CDC42BPG: variants seen among roughly 807,000 people sequenced by gnomAD.
CDC42BPG encodes CDC42 binding protein kinase gamma.
A neutral mutation model predicts 192.2 loss-of-function variants in CDC42BPG; 157 were observed. The observed-to-expected ratio is 0.82, with a 90% CI of 0.72 to 0.93. The LOEUF is 0.93. Ranked by LOEUF, CDC42BPG falls within the 40% of genes least tolerant of loss-of-function variation. The pLI, the probability that CDC42BPG is intolerant of heterozygous loss-of-function variation, is 0.00. For synonymous variants in CDC42BPG, 981 were observed against 918.5 expected, an observed-to-expected ratio of 1.07 and a Z score of -1.23; for missense variants, 1,992 against 2,122.1, an observed-to-expected ratio of 0.94 and a Z score of 1.20.
chr11:64,840,673 G>A (rs767742148), intron 3 of CDC42BPG, 25 bp from the exon 4 acceptor site: 2 of 1,608,000 alleles, frequency 1.2e-6, no homozygotes, highest in Non-Finnish European at 1.7e-6. Flanking sequence ...GGGAAGTAAG[G>A]GGTGGGGTGG....
At position 64,834,912 on chromosome 11, in the gene CDC42BPG, C is replaced by G. The variant is rs1312429045; in HGVS notation, c.2112G>C (p.Lys704Asn). The G allele has an allele frequency of 6.2e-7, 1 of 1,614,032 alleles. No individual in the cohort carries two copies. Among genetic ancestry groups the G allele is most frequent in the Non-Finnish European group, 8.5e-7 (1 of 1,180,036 alleles). The change falls in exon 18 of 37, where the codon AAG becomes AAC. Residue 704 changes from lysine to asparagine, a missense_variant. Physicochemically the swap from Lys to Asn is moderately conservative, Grantham distance 94 (BLOSUM62 0). Around this residue, in one of 2 missense-constraint regions of CDC42BPG, gnomAD observed 1,656 missense variants for 1,844.3 expected, o/e 0.90. Transcript: ENST00000342711. ...SRGYLQALAT[K>N]MAEELESLRN... ...TCAAGGACTCCAGCTCCTCTGCCATCTTGGTGGCCAGGGCCTGCAGGTAGC... is the reference window on the plus strand; with the variant it reads ...TCAAGGACTCCAGCTCCTCTGCCATGTTGGTGGCCAGGGCCTGCAGGTAGC...
In CDC42BPG at chr11:64,829,698, G is replaced by A. The variant is rs1250646119; in HGVS notation, c.3740C>T (p.Ala1247Val). ...RLCVGAAGGF[A>V]LYPLLNEAAP... ...AGCCTCGTTGAGCAGCGGGTAGAGT[G>A]CAAAGCCACCGGCGGCGCCCACACA... The change falls in exon 30 of 37, where the codon GCA becomes GTA. Residue 1247 changes from alanine to valine, a missense_variant. This residue lies in a region of CDC42BPG where 1,656 missense variants were observed against 1,844.3 expected (regional missense o/e 0.90). Transcript: ENST00000342711. The A allele has an allele frequency of 1.2e-6, 2 of 1,611,102 alleles. No individual in the cohort carries two copies. The highest frequency in any genetic ancestry group is 2.7e-5 in the African/African-American group (2 of 74,918).
In CDC42BPG at chr11:64,826,675, G is replaced by A. The variant is rs1303979443; in HGVS notation, c.4509C>T (p.Asp1503=). The change falls in exon 35 of 37, where the codon GAC becomes GAT. Residue 1503 remains aspartate (D), a synonymous_variant. Transcript: ENST00000342711. ...AGGCTGAGGGGCTGCCCTTACTGGG[G>A]TCTGCGTCTCCACCGAGGCCTTCGC... ...MGSEGLGGDA[D]PMKRKPWTSL... The A allele has an allele frequency of 1.9e-6, 3 of 1,569,446 alleles. No individual in the cohort carries two copies. Among genetic ancestry groups the A allele is most frequent in the African/African-American group, 1.3e-5 (1 of 74,260 alleles).
chr11:64,836,323 A>G, intron 12 of CDC42BPG, 27 bp from the exon 13 acceptor site: 1 of 1,608,730 alleles, frequency 6.2e-7, no homozygotes, highest in East Asian at 2.2e-5. Context: ...GGGAGCGGGG[A>G]AGGACAAGGC....
rs647145 is a variant in CDC42BPG at position 64,826,921 on chromosome 11, T to C, written c.4390-127A>G. Reference sequence around the variant, plus strand: ...AGCCTGGTTTTACTTAAGTCCCAGGTAGCAGAAGTGTGAGTCCCAGGCCTT... The same window carrying C: ...AGCCTGGTTTTACTTAAGTCCCAGGCAGCAGAAGTGTGAGTCCCAGGCCTT... On this transcript the variant is annotated intron_variant, in intron 34 of 36. Transcript: ENST00000342711. 5 of 1,208,172 alleles carry C rather than the reference T, an allele frequency of 4.1e-6. No individual in the cohort carries two copies. The South Asian group carries it at 7.3e-5, about 18-fold the overall frequency. 74.8% of individuals were successfully genotyped at this position (1,208,172 alleles called of 1,614,324 possible).
intron 30 of CDC42BPG, 88 bp downstream of exon 30, chr11:64,829,383 G>C: frequency 6.6e-7 from 1 of 1,519,810 alleles, no homozygotes; most frequent in Non-Finnish European, 8.8e-7. Context: ...GGCCTCCAAT[G>C]CCAGGCTCAT....
Position 64,829,955 on chromosome 11 carries a change from C to A in CDC42BPG, c.3483G>T (p.Ala1161=), listed in dbSNP as rs201814328. ...CTGCTACCTCTATGTTCTCCAGCTC[C>A]GCCAGGGCAAAGAGACGCACGCTGG... ...RGPSVRLFAL[A]ELENIEVAGA... is the part of the protein sequence containing the mutation. The change falls in exon 30 of 37, where the codon GCG becomes GCT. Residue 1161 remains alanine, a synonymous_variant. Transcript: ENST00000342711. 6 of 1,612,368 alleles carry A rather than the reference C, an allele frequency of 3.7e-6. No homozygotes were observed. The highest frequency in any genetic ancestry group is 5.1e-6 in the Non-Finnish European group (6 of 1,179,732).
intron 13 of CDC42BPG, 121 bp from the exon 14 acceptor site, chr11:64,835,972 C>A: frequency 7.7e-7 from 1 of 1,291,848 alleles, no homozygotes; most frequent in South Asian, 1.4e-5. Context: ...GACTCCCAGA[C>A]TGCCCCGTCC....
intron 18 of CDC42BPG, 112 bp from the exon 19 acceptor site, chr11:64,834,689 C>T: frequency 7.1e-7 from 1 of 1,405,476 alleles, no homozygotes; most frequent in Non-Finnish European, 9.5e-7. Flanking sequence ...CTCAAAGCTC[C>T]AGCTCAGCCA....
intron 8 of CDC42BPG, 31 bp downstream of exon 8, chr11:64,838,623 C>T (rs1943131411): frequency 6.2e-7 from 1 of 1,606,914 alleles, no homozygotes; most frequent in African/African-American, 1.3e-5. Flanking sequence ...GGTAGGGCAG[C>T]TCCCCTCCTG....
chr11:64,836,598 C>T, intron 11 of CDC42BPG, 68 bp from the exon 12 acceptor site: 1 of 1,446,324 alleles, frequency 6.9e-7, no homozygotes, highest in Non-Finnish European at 9.7e-7. Context: ...GAGCAAGTCT[C>T]CTTGGCCTGT....
Position 64,834,447 on chromosome 11 carries a change from G to A in CDC42BPG, c.2306C>T (p.Ala769Val). 1 of 1,567,574 alleles carries A rather than the reference G, an allele frequency of 6.4e-7. No homozygotes were observed. Among genetic ancestry groups the A allele is most frequent in the Admixed American group, 1.8e-5 (1 of 56,698 alleles). Residue 769 changes from alanine to valine, a missense_variant, in exon 19 of 37, where the codon GCC becomes GTC. Physicochemically the swap from Ala to Val is moderately conservative, Grantham distance 64. This residue lies in a region of CDC42BPG where 1,656 missense variants were observed against 1,844.3 expected (regional missense o/e 0.90). Coordinates refer to ENST00000342711, the MANE Select transcript of CDC42BPG (RefSeq NM_017525.3). ...GCCTCACCGCTCAGCCTGCAGCTGG[G>A]CCTCCTGCACCTGTGTCAGCCGCTC... is the stretch of plus-strand genomic sequence containing the variant. ...LQERLTQVQE[A>V]QLQAERRLQE...
At chr11:64,826,442 G>T in intron 36 of CDC42BPG, 28 bp downstream of exon 36, 15 of 1,516,254 alleles carry the variant, frequency 9.9e-6, no homozygotes, top group Non-Finnish European at 1.4e-5. Context: ...TTGAATAGGG[G>T]ACGGACAAGC....
intron 23 of CDC42BPG, 61 bp from the exon 24 acceptor site, chr11:64,833,397 G>T: frequency 9.6e-7 from 1 of 1,036,778 alleles, no homozygotes; most frequent in Non-Finnish European, 1.4e-6. Flanking sequence ...ATCCCTGAGG[G>T]GTCAGGAAAG....
At chr11:64,834,638 C>A in intron 18 of CDC42BPG, 61 bp from the exon 19 acceptor site, 1 of 1,476,786 alleles carries the variant, frequency 6.8e-7, no homozygotes, top group Non-Finnish European at 9.0e-7. Context: ...CAGGGACCCC[C>A]TGCTACCAGA....
chr11:64,826,980 G>A, intron 34 of CDC42BPG, 70 bp downstream of exon 34: 1 of 1,242,916 alleles, frequency 8.0e-7, no homozygotes, highest in Non-Finnish European at 1.2e-6. Flanking sequence ...ATTGGCTAGA[G>A]CTCACCACAG....
In CDC42BPG at chr11:64,834,910, A is replaced by T. The variant is rs1411229530; in HGVS notation, c.2114T>A (p.Met705Lys). Residue 705 changes from methionine to lysine, a missense_variant, in exon 18 of 37, where the codon ATG becomes AAG. Coordinates refer to ENST00000342711, the MANE Select transcript of CDC42BPG (RefSeq NM_017525.3). ...RGYLQALATK[M>K]AEELESLRNV... The stretch of plus-strand genomic sequence containing the variant: ...CCTCAAGGACTCCAGCTCCTCTGCC[A>T]TCTTGGTGGCCAGGGCCTGCAGGTA... 4.3e-6 allele frequency: 7 copies of T among 1,613,960 alleles called. No individual in the cohort carries two copies. Among genetic ancestry groups the T allele is most frequent in the Non-Finnish European group, 5.9e-6 (7 of 1,180,020 alleles).
rs928467423 is a variant in CDC42BPG at position 64,840,354 on chromosome 11, G to A, written c.433-86C>T. 91 of 1,533,598 alleles carry A rather than the reference G, an allele frequency of 5.9e-5. No individual in the cohort carries two copies. In the South Asian group the frequency reaches 9.6e-4, roughly 16 times the overall value. 95.0% of individuals were successfully genotyped at this position (1,533,598 alleles called of 1,614,324 possible). Reference sequence around the variant, plus strand: ...GTCCCGCAGGGCTCTGGGAAGGCAGGCCTGCATCTCCCAGCAGCTCTGGGC... The same window carrying A: ...GTCCCGCAGGGCTCTGGGAAGGCAGACCTGCATCTCCCAGCAGCTCTGGGC... On this transcript the variant is annotated intron_variant, in intron 4 of 36. Coordinates refer to ENST00000342711, the MANE Select transcript of CDC42BPG (RefSeq NM_017525.3).
intron 9 of CDC42BPG, 144 bp downstream of exon 9, chr11:64,837,939 G>A (rs781050183): frequency 1.3e-4 from 91 of 713,562 alleles, no homozygotes; most frequent in Admixed American, 4.1e-4. Context: ...GGACCCCGAG[G>A]ATGAGGGCTA....
Sources: gnomAD v4.1 joint callset for allele counts on GRCh38, gnomAD v4.1.1 for gene constraint, gnomAD v4.1.1 regional missense constraint, MANE v1.5 for transcripts, NCBI Gene and HGNC (gene_info 2026-07-23, HGNC 2026-07-21) for gene names.